Variants in ADGRV1 observed in about 807,000 individuals in gnomAD.
ADGRV1 encodes G-protein coupled receptor 98.
A neutral mutation model predicts 596.2 loss-of-function variants in ADGRV1; 359 were observed. The observed-to-expected ratio is 0.60, with a 90% confidence interval of 0.55 to 0.66. The LOEUF is 0.66. ADGRV1 is among the 30% of genes least tolerant of loss of function. The pLI is 0.00. For missense variants in ADGRV1, 7,274 were observed against 7,575.6 expected (o/e 0.96, Z 1.48); for synonymous variants, 2,681 against 2,679.2 (o/e 1.00, Z -0.02).
At chr5:90,818,458 A>G (rs1763137264) in intron 75 of ADGRV1, among the ~76,000 whole-genome samples, 1 of 150,484 alleles carries the variant, frequency 6.6e-6, no homozygotes, top group African/African-American at 2.4e-5. Flanking sequence ...TATGTTGAAT[A>G]GGAGTGGTGA....
intron 85 of ADGRV1, among the ~76,000 whole-genome samples, chr5:91,021,948 T>C (rs745504947): frequency 3.9e-5 from 6 of 152,068 alleles, no homozygotes; most frequent in Non-Finnish European, 7.4e-5. Flanking sequence ...ACTGATTGCC[T>C]ACCTGTAAGC....
At chr5:91,065,911 C>G (rs879808554) in intron 85 of ADGRV1, among the ~76,000 whole-genome samples, 8 of 152,096 alleles carry the variant, frequency 5.3e-5, no homozygotes, top group Admixed American at 1.3e-4. Flanking sequence ...TTAGAATTGT[C>G]TGTAGGTTCT....
intron 74 of ADGRV1, among the ~76,000 whole-genome samples, chr5:90,814,980 CA>C (rs1457245328): frequency 5.3e-5 from 4 of 75,798 alleles, no homozygotes; most frequent in African/African-American, 1.8e-4. Context: ...AGTTTTGTTC[CA>C]GTTTAAACAT....
intron 83 of ADGRV1, among the ~76,000 whole-genome samples, chr5:90,937,139 C>T (rs555420597): frequency 1.8e-4 from 28 of 152,106 alleles, no homozygotes; most frequent in African/African-American, 5.8e-4. Flanking sequence ...TAGGTTTAAC[C>T]TTATATATTT....
intron 87 of ADGRV1, among the ~76,000 whole-genome samples, chr5:91,115,047 A>G (rs986857918): frequency 2.6e-5 from 4 of 152,200 alleles, no homozygotes; most frequent in Non-Finnish European, 5.9e-5. Flanking sequence ...GGGCTCCCCA[A>G]TAAATGGGTT....
At chr5:91,012,125 G>A (rs80050128) in intron 85 of ADGRV1, among the ~76,000 whole-genome samples, 1,835 of 151,924 alleles carry the variant, frequency 0.012, 31 homozygotes, top group African/African-American at 0.042. Context: ...TTTACACTGG[G>A]GCTAAGTTGT....
intron 83 of ADGRV1, among the ~76,000 whole-genome samples, chr5:90,958,237 T>C (rs551285719): frequency 1.5e-5 from 2 of 136,606 alleles, no homozygotes; most frequent in African/African-American, 2.8e-5. Flanking sequence ...TGAGCCAAAA[T>C]TGTGCCACTG....
chr5:91,072,030 CT>C (rs1444715696), intron 85 of ADGRV1, among the ~76,000 whole-genome samples: 1 of 152,042 alleles, frequency 6.6e-6, no homozygotes, highest in Non-Finnish European at 1.5e-5. Flanking sequence ...AAAAGTATAT[CT>C]AAAGTGACTC....
At chr5:90,671,483 C>T (rs1226650268) in intron 21 of ADGRV1, among the ~76,000 whole-genome samples, 3 of 152,172 alleles carry the variant, frequency 2.0e-5, no homozygotes. Flanking sequence ...CATGAGAACA[C>T]CCAGGTTGCT....
intron 75 of ADGRV1, among the ~76,000 whole-genome samples, chr5:90,819,794 T>A (rs1233117465): frequency 6.6e-6 from 1 of 152,194 alleles, no homozygotes; most frequent in Non-Finnish European, 1.5e-5. Flanking sequence ...TTTGTTATAA[T>A]CTCTGTTCTT....
At chr5:90,743,857 GTTTTA>G (rs1411751608) in intron 50 of ADGRV1, among the ~76,000 whole-genome samples, 15 of 151,922 alleles carry the variant, frequency 9.9e-5, no homozygotes, top group African/African-American at 3.6e-4. Flanking sequence ...TTTTCTCCCA[GTTTTA>G]TTTAAGTCTG....
At chr5:90,672,408 G>A (rs1444007179) in intron 21 of ADGRV1, 138 bp from the exon 22 acceptor site, 9 of 537,564 alleles carry the variant, frequency 1.7e-5, no homozygotes, top group Non-Finnish European at 2.9e-5. Context: ...GGGGAATGCA[G>A]AGGCCTCGTT....
rs58045502 is a variant in ADGRV1 at position 90,728,577 on chromosome 5, A to T, written c.10162-92A>T. 1,723 of 1,050,082 alleles carry T rather than the reference A, an allele frequency of 1.6e-3. 15 individuals carry two copies. In the African/African-American group the frequency reaches 0.023, roughly 14 times the overall value. The allele number at this position is 1,050,082 out of a possible 1,614,324, so 65.0% of individuals were successfully genotyped here. ...AGTATCTTTTTAACTAAATAAAAGG[A>T]TCCAAGAGAGTAAACATATGGTATT... On this transcript the variant is annotated intron_variant, in intron 48 of 89. Coordinates refer to ENST00000405460, the MANE Select transcript of ADGRV1 (RefSeq NM_032119.4).
intron 85 of ADGRV1, among the ~76,000 whole-genome samples, chr5:91,043,469 A>T (rs1344390975): frequency 1.3e-5 from 2 of 152,114 alleles, no homozygotes; most frequent in Admixed American, 6.6e-5. Flanking sequence ...TCAGAGAAGC[A>T]GTGTGCACAG....
At chr5:90,930,338 A>C (rs1775118569) in intron 83 of ADGRV1, among the ~76,000 whole-genome samples, 1 of 152,210 alleles carries the variant, frequency 6.6e-6, no homozygotes, top group Admixed American at 6.5e-5. Flanking sequence ...AATAAGAAAC[A>C]AACAGAAATA....
chr5:90,763,110 A>G (rs983523603), intron 58 of ADGRV1, 195 bp from the exon 59 acceptor site: 1 of 484,472 alleles, frequency 2.1e-6, no homozygotes, highest in African/African-American at 1.9e-5. Context: ...AGAAGACAGG[A>G]AATGCCAACT....
At chr5:90,914,977 CT>C (rs1271720258) in intron 83 of ADGRV1, among the ~76,000 whole-genome samples, 1 of 152,068 alleles carries the variant, frequency 6.6e-6, no homozygotes, top group Non-Finnish European at 1.5e-5. Flanking sequence ...TGTGATGTAA[CT>C]TTTTTTCTTC....
At chr5:90,784,453 T>C (rs536578780) in intron 67 of ADGRV1, among the ~76,000 whole-genome samples, 1 of 152,284 alleles carries the variant, frequency 6.6e-6, no homozygotes, top group East Asian at 1.9e-4. Flanking sequence ...TAAAAATAAA[T>C]TGATCTGATA....
intron 87 of ADGRV1, among the ~76,000 whole-genome samples, chr5:91,133,366 A>G (rs1409047201): frequency 6.6e-6 from 1 of 152,100 alleles, no homozygotes; most frequent in Non-Finnish European, 1.5e-5. Context: ...TCTATAGATG[A>G]TTCATCTGGC....
Sources: allele counts gnomAD v4.1 joint callset (sites outside exome capture counted in the v4.1 genomes callset), GRCh38; gene constraint gnomAD v4.1.1; transcripts MANE v1.5; gene names NCBI Gene and HGNC (gene_info 2026-07-23, HGNC 2026-07-21).